Variants in DISC1 observed in about 807,000 individuals in gnomAD.
DISC1 encodes DISC1 scaffold protein, also known as disrupted in schizophrenia 1 protein.
In DISC1, 57 loss-of-function variants were observed where a neutral mutation model predicts 84.5. That is an observed-to-expected ratio of 0.67 (90% CI 0.55 to 0.84). DISC1 has a LOEUF of 0.84. Among genes scored for constraint, DISC1 ranks in the 40% least tolerant of loss-of-function variants. The pLI, the probability that DISC1 is intolerant of heterozygous loss-of-function variation, is 0.00. For synonymous variants in DISC1, 411 were observed against 415.2 expected (o/e 0.99, Z 0.12); for missense variants, 1,000 against 1,057.8 (o/e 0.95, Z 0.76).
At chr1:231,888,738 C>CAAAA (rs34003319) in intron 9 of DISC1, among the ~76,000 whole-genome samples, 5 of 54,042 alleles carry the variant, frequency 9.3e-5, no homozygotes, top group African/African-American at 3.3e-4. Flanking sequence ...GCTCTGTCTC[C>CAAAA]AAAAAAAAAA....
At chr1:231,773,585 C>T (rs901018320) in intron 6 of DISC1, among the ~76,000 whole-genome samples, 1 of 152,200 alleles carries the variant, frequency 6.6e-6, no homozygotes, top group East Asian at 1.9e-4. Flanking sequence ...AGGGTTTCAC[C>T]ATGTTAGCCA....
chr1:231,696,580 A>G (rs530752382), intron 2 of DISC1, among the ~76,000 whole-genome samples: 1 of 152,348 alleles, frequency 6.6e-6, no homozygotes, highest in Middle Eastern at 3.4e-3. Flanking sequence ...AATTACACTC[A>G]TGTACTGCAT....
intron 10 of DISC1, among the ~76,000 whole-genome samples, chr1:231,996,713 G>A (rs1246704728): frequency 6.6e-6 from 1 of 151,966 alleles, no homozygotes; most frequent in Non-Finnish European, 1.5e-5. Context: ...AACATGCCTG[G>A]GTCTCAGGAG....
chr1:231,799,791 G>A (rs546007872), intron 7 of DISC1, among the ~76,000 whole-genome samples: 1 of 148,820 alleles, frequency 6.7e-6, no homozygotes, highest in African/African-American at 2.5e-5. Context: ...ATATGCCATT[G>A]CTCACTTTAT....
chr1:232,000,055 A>G (rs1057514784), intron 10 of DISC1, among the ~76,000 whole-genome samples: 4 of 152,204 alleles, frequency 2.6e-5, no homozygotes, highest in African/African-American at 9.6e-5. Flanking sequence ...TGCCCAAGAT[A>G]TAATTAGGAA....
intron 9 of DISC1, among the ~76,000 whole-genome samples, chr1:231,906,141 G>C (rs1162201955): frequency 1.3e-5 from 2 of 149,178 alleles, no homozygotes; most frequent in African/African-American, 4.9e-5. Context: ...TCCTGCCTCA[G>C]CCTCCCAAGC....
chr1:231,732,794 C>T (rs911706239), intron 3 of DISC1, among the ~76,000 whole-genome samples: 11 of 152,138 alleles, frequency 7.2e-5, no homozygotes, highest in South Asian at 2.1e-4. Context: ...GTAGGAGCCA[C>T]GATAGTAGTA....
chr1:231,961,718 T>G (rs750487175), intron 10 of DISC1, among the ~76,000 whole-genome samples: 35 of 152,240 alleles, frequency 2.3e-4, no homozygotes, highest in Non-Finnish European at 4.8e-4. Flanking sequence ...ATTTTATTCT[T>G]TATATGACTG....
At chr1:231,877,508 C>T (rs1040394747) in intron 9 of DISC1, among the ~76,000 whole-genome samples, 2 of 152,184 alleles carry the variant, frequency 1.3e-5, no homozygotes, top group Non-Finnish European at 2.9e-5. Flanking sequence ...TGTAATCCCA[C>T]CAAGTAAAGG....
intron 10 of DISC1, among the ~76,000 whole-genome samples, chr1:231,963,641 A>G (rs987002908): frequency 3.3e-5 from 5 of 152,072 alleles, no homozygotes; most frequent in Non-Finnish European, 5.9e-5. Context: ...ATTTATTCTC[A>G]CTTTCCAAGT....
chr1:231,771,295 C>A (rs368661269), intron 6 of DISC1: 1 of 982,724 alleles, frequency 1.0e-6, no homozygotes, highest in Admixed American at 6.2e-5. Flanking sequence ...TAAATGCCAG[C>A]GACCCTCCCC....
chr1:231,947,611 T>C (rs1019057331), intron 9 of DISC1, among the ~76,000 whole-genome samples: 8 of 152,190 alleles, frequency 5.3e-5, no homozygotes, highest in Non-Finnish European at 1.2e-4. Context: ...ACAAATGGGA[T>C]CTAATTAAAC....
At chr1:231,903,760 G>A (rs927168929) in intron 9 of DISC1, among the ~76,000 whole-genome samples, 1 of 152,220 alleles carries the variant, frequency 6.6e-6, no homozygotes, top group Non-Finnish European at 1.5e-5. Flanking sequence ...AGGAGGGCTG[G>A]GAAAGTGAGA....
At chr1:231,869,709 C>T (rs1257145298) in intron 9 of DISC1, among the ~76,000 whole-genome samples, 2 of 152,132 alleles carry the variant, frequency 1.3e-5, no homozygotes, top group Admixed American at 6.5e-5. Flanking sequence ...GGGTGACCTG[C>T]ACCTATGCCT....
chr1:231,855,016 C>T (rs1206520834), intron 9 of DISC1: 37 of 1,059,620 alleles, frequency 3.5e-5, no homozygotes, highest in Non-Finnish European at 4.0e-5. Context: ...GTGCCTGGCC[C>T]CTACAATAAT....
At chr1:231,814,816 G>C (rs1412749304) in intron 8 of DISC1, among the ~76,000 whole-genome samples, 1 of 152,142 alleles carries the variant, frequency 6.6e-6, no homozygotes, top group African/African-American at 2.4e-5. Context: ...GAAACACCAG[G>C]GGGTTGCAGA....
rs117653344 is a variant in DISC1 at position 231,734,523 on chromosome 1, G to A, written c.1118-15403G>A. On this transcript the variant is annotated intron_variant, in intron 3 of 12. Transcript: ENST00000439617. ...CTCACGCACACACACACACGCATGC[G>A]CACACACACACAAGCTTGCTAGAGC... Among the ~76,000 whole-genome samples, 212 of 151,898 alleles carry A rather than the reference G, an allele frequency of 1.4e-3. 4 individuals are homozygous for A. The East Asian group carries it at 0.035, about 25-fold the overall frequency.
Position 231,977,943 on chromosome 1 carries a change from T to C in DISC1, c.2042+19055T>C, listed in dbSNP as rs1663045420. ...AATGGTTTATTCAAATTGAGAAATG[T>C]TTCTTAGGTCTCTTTTAATCTGTCA... On this transcript the variant is annotated intron_variant, in intron 10 of 12. Coordinates refer to ENST00000439617, the MANE Select transcript of DISC1 (RefSeq NM_018662.3). Among the ~76,000 whole-genome samples, 6 of 152,352 alleles carry C rather than the reference T, an allele frequency of 3.9e-5. No homozygotes were observed. The South Asian group carries it at 1.2e-3, about 32-fold the overall frequency.
chr1:231,780,762 G>A (rs12759663), intron 6 of DISC1, among the ~76,000 whole-genome samples: 41,588 of 77,384 alleles, frequency 0.54, 11,185 homozygotes, highest in Middle Eastern at 0.66. Flanking sequence ...AACCAACCCA[G>A]ATGTCCATCA....
Sources: gnomAD v4.1 joint callset for allele counts (sites outside exome capture counted in the v4.1 genomes callset) on GRCh38, gnomAD v4.1.1 for gene constraint, MANE v1.5 for transcripts, NCBI Gene and HGNC (gene_info 2026-07-23, HGNC 2026-07-21) for gene names.